The following ST6GALNAC6 variants were observed in gnomAD, a reference collection of about 807,000 sequenced individuals.
ST6GALNAC6 encodes alpha-N-acetylgalactosaminide alpha-2,6-sialyltransferase 6.
In ST6GALNAC6, 19 loss-of-function variants were observed where a neutral mutation model predicts 34.3. The ratio of observed to expected loss-of-function variants is 0.55; its 90% confidence interval spans 0.39 to 0.81. The LOEUF is 0.81. ST6GALNAC6 is among the 40% of genes least tolerant of loss of function. The pLI is 0.00. For synonymous variants in ST6GALNAC6, 185 were observed against 182.1 expected (o/e 1.02, Z -0.13); for missense variants, 377 against 467.7 (o/e 0.81, Z 1.79).
upstream of ST6GALNAC6, chr9:127,904,352 C>G (rs1190165804): frequency 1.3e-5 from 2 of 150,076 alleles, no homozygotes; most frequent in Non-Finnish European, 1.5e-5. Flanking sequence ...TCGTGGGCCT[C>G]CCCCCCCCAG....
At chr9:127,897,313 G>A (rs1191246754) in intron 2 of ST6GALNAC6, 2 of 985,832 alleles carry the variant, frequency 2.0e-6, no homozygotes, top group Admixed American at 6.1e-5. Context: ...GCCCTCCTCA[G>A]CTCCGTCCCC....
chr9:127,886,256 T>TG lies in ST6GALNAC6; in HGVS notation c.*342dup, dbSNP rs961525995. On this transcript the variant is annotated 3_prime_UTR_variant, in exon 7 of 7. Coordinates refer to ENST00000373146, the MANE Select transcript of ST6GALNAC6 (RefSeq NM_013443.5). Reference sequence around the variant, plus strand: ...TTATCCCAGGAGAGTGGGGAGTGATTGGGGGGTCCATTCCTGGGGCTCTGA... The same window carrying TG: ...TTATCCCAGGAGAGTGGGGAGTGATTGGGGGGGTCCATTCCTGGGGCTCTGA... 6.6e-6 allele frequency: 3 copies of TG among 454,582 alleles called. No homozygotes were observed. Among genetic ancestry groups the TG allele is most frequent in the Admixed American group, 4.0e-5 (1 of 24,892 alleles). 28.2% of individuals were successfully genotyped at this position (454,582 alleles called of 1,614,324 possible). A position where few individuals can be genotyped will look rare whatever the true frequency, so the allele number is the denominator to read the frequency against.
In ST6GALNAC6 at chr9:127,899,551, T is replaced by C; in HGVS notation, c.-78A>G. 2 of 980,490 alleles carry C rather than the reference T, an allele frequency of 2.0e-6. No homozygotes were observed. Among genetic ancestry groups the C allele is most frequent in the Non-Finnish European group, 2.4e-6 (2 of 827,986 alleles). 60.7% of individuals were successfully genotyped at this position (980,490 alleles called of 1,614,324 possible). The stretch of plus-strand genomic sequence containing the variant: ...CCCGCGGCCCCCGAGCCCCCTCACA[T>C]GGCGCCGGGAGCCGAGCGCCGGGGT... On this transcript the variant is annotated 5_prime_UTR_variant, in exon 1 of 7. The change abolishes an upstream ATG in the 5' untranslated region. Coordinates refer to ENST00000373146, the MANE Select transcript of ST6GALNAC6 (RefSeq NM_013443.5).
At chr9:127,887,368 C>T in intron 6 of ST6GALNAC6, 116 bp downstream of exon 6, 1 of 749,640 alleles carries the variant, frequency 1.3e-6, no homozygotes, top group Non-Finnish European at 2.3e-6. Context: ...AGTTTGAAAA[C>T]AATGAAGCAG....
chr9:127,889,444 C>CTTTT (rs200272209), intron 5 of ST6GALNAC6, among the ~76,000 whole-genome samples: 4 of 139,608 alleles, frequency 2.9e-5, no homozygotes, highest in Non-Finnish European at 1.5e-5. Context: ...TCTTTTTTTT[C>CTTTT]TTTTTTTTTT....
In ST6GALNAC6 at chr9:127,890,505, G is replaced by C. The variant is rs1332076629; in HGVS notation, c.704+132C>G. The C allele has an allele frequency of 2.3e-6, 3 of 1,300,646 alleles. No homozygotes were observed. The highest frequency in any genetic ancestry group is 2.7e-4 in the Middle Eastern group (1 of 3,724). The allele number at this position is 1,300,646 out of a possible 1,614,324, so 80.6% of individuals were successfully genotyped here. On this transcript the variant is annotated intron_variant, in intron 5 of 6. Coordinates refer to ENST00000373146, the MANE Select transcript of ST6GALNAC6 (RefSeq NM_013443.5). The surrounding 1 kb of genome is among the most constrained non-coding windows in gnomAD (Gnocchi z 4.3). Reference sequence around the variant, plus strand: ...GGACATGAAGAGAACTCTCCTAGGAGGCCCAACCAGAGGACGGCGGGACTT... The same window carrying C: ...GGACATGAAGAGAACTCTCCTAGGACGCCCAACCAGAGGACGGCGGGACTT...
chr9:127,897,289 CTG>C (rs1238774609), intron 2 of ST6GALNAC6: 4 of 985,738 alleles, frequency 4.1e-6, no homozygotes, highest in Non-Finnish European at 2.4e-6. Context: ...AGGGAAGAAA[CTG>C]GGGCTTAGGG....
rs1207159789 is a variant in ST6GALNAC6, at chr9:127,890,313, T to G, written c.704+324A>C. Among the ~76,000 whole-genome samples the G allele has an allele frequency of 2.0e-5, 3 of 152,012 alleles. No individual in the cohort carries two copies. Among genetic ancestry groups the G allele is most frequent in the African/African-American group, 7.2e-5 (3 of 41,388 alleles). ...AGTCAAGACTTTACATTGGGTACAC[T>G]ATGGGGAGCTTCTCTCAGAAAGATG... On this transcript the variant is annotated intron_variant, in intron 5 of 6. Transcript: ENST00000373146. The surrounding 1 kb of genome is among the most constrained non-coding windows in gnomAD (Gnocchi z 4.3).
chr9:127,897,785 CTT>C (rs1265055929), intron 2 of ST6GALNAC6, 169 bp downstream of exon 2: 1 of 1,478,080 alleles, frequency 6.8e-7, no homozygotes, highest in Non-Finnish European at 9.0e-7. Context: ...CGTGGCCACC[CTT>C]TCCTGCGGAT....
rs1036659743 is a variant in ST6GALNAC6, at chr9:127,891,661, AAAG to A, written c.298-621_298-619del. On this transcript the variant is annotated intron_variant, in intron 4 of 6. Transcript: ENST00000373146. ...AAGAAAGAAAAGAAACAAGGAAAGG[AAAG>A]AAGAAGGAAAAGAAAAAGGAAAGGA... Among the ~76,000 whole-genome samples the A allele has an allele frequency of 1.1e-4, 16 of 150,126 alleles. No homozygotes were observed. In the South Asian group the frequency reaches 2.8e-3, roughly 26 times the overall value.
intron 4 of ST6GALNAC6, among the ~76,000 whole-genome samples, chr9:127,891,728 G>A (rs1193713352): frequency 1.4e-5 from 2 of 141,438 alleles, no homozygotes; most frequent in Non-Finnish European, 3.1e-5. Context: ...AGAGGGAGAA[G>A]GGGAGGGGGA....
intron 3 of ST6GALNAC6, 53 bp downstream of exon 3, chr9:127,896,188 TC>T: frequency 6.3e-7 from 1 of 1,586,002 alleles, no homozygotes; most frequent in Non-Finnish European, 8.7e-7. Context: ...AGGAACCCGT[TC>T]CATGGAGGGA....
chr9:127,886,300 A>T lies in ST6GALNAC6; in HGVS notation c.*299T>A. The stretch of plus-strand genomic sequence containing the variant: ...GCTCTGAACCAAGGCCTCATGGGAA[A>T]GGACATGTCCTTAGCCTCAGATTGA... On this transcript the variant is annotated 3_prime_UTR_variant, in exon 7 of 7. Transcript: ENST00000373146. 1.5e-6 allele frequency: 1 copy of T among 659,926 alleles called. No homozygotes were observed. Among genetic ancestry groups the T allele is most frequent in the Non-Finnish European group, 2.3e-6 (1 of 438,536 alleles). The allele number at this position is 659,926 out of a possible 1,614,324, so 40.9% of individuals were successfully genotyped here.
chr9:127,886,403 A>G lies in ST6GALNAC6; in HGVS notation c.*196T>C. On this transcript the variant is annotated 3_prime_UTR_variant, in exon 7 of 7. Coordinates refer to ENST00000373146, the MANE Select transcript of ST6GALNAC6 (RefSeq NM_013443.5). ...AAGAAAGACACCCCTGATTAACCGC[A>G]TAGACTCCCAAATCCCTGATTCGCC... is the stretch of plus-strand genomic sequence containing the variant. The G allele has an allele frequency of 7.0e-7, 1 of 1,432,018 alleles. No individual in the cohort carries two copies. Among genetic ancestry groups the G allele is most frequent in the Non-Finnish European group, 9.1e-7 (1 of 1,094,240 alleles). The allele number at this position is 1,432,018 out of a possible 1,614,324, so 88.7% of individuals were successfully genotyped here.
chr9:127,896,104 G>T (rs1830435019), intron 3 of ST6GALNAC6, 138 bp downstream of exon 3: 4 of 985,372 alleles, frequency 4.1e-6, no homozygotes, highest in East Asian at 2.5e-5. Context: ...GCTTAAATCT[G>T]GGCCTCCCAG....
chr9:127,898,524 C>T (rs1830606380), intron 1 of ST6GALNAC6, among the ~76,000 whole-genome samples: 1 of 152,248 alleles, frequency 6.6e-6, no homozygotes. Flanking sequence ...TCCAGTGTGT[C>T]AGTGAAACAC....
upstream of ST6GALNAC6, among the ~76,000 whole-genome samples, chr9:127,900,854 GGCACATGTAATCCCA>G (rs1396713369): frequency 2.0e-5 from 3 of 148,550 alleles, no homozygotes; most frequent in African/African-American, 7.5e-5. Context: ...CGTTGTGGCG[GGCACATGTAATCCCA>G]GCTACTTGGG....
In ST6GALNAC6 at chr9:127,886,574, C is replaced by T. The variant is rs369343035; in HGVS notation, c.*25G>A. The T allele has an allele frequency of 1.5e-4, 238 of 1,613,042 alleles. No homozygotes were observed. The highest frequency in any genetic ancestry group is 2.0e-4 in the Non-Finnish European group (233 of 1,179,470). On this transcript the variant is annotated 3_prime_UTR_variant, in exon 7 of 7. Transcript: ENST00000373146. ...CGGAGGCTGCTTCTCCTCTGACCCT[C>T]CTGAGGTCCCACAGGCTGGGTGGCC...
intron 2 of ST6GALNAC6, 186 bp downstream of exon 2, chr9:127,897,770 C>T (rs367618786): frequency 1.2e-5 from 17 of 1,418,566 alleles, no homozygotes; most frequent in African/African-American, 1.0e-4. Flanking sequence ...CTATATCTTA[C>T]TACGCGTGGC....
Sources: gnomAD v4.1 joint callset for allele counts (sites outside exome capture counted in the v4.1 genomes callset) on GRCh38, gnomAD v4.1.1 for gene constraint, Gnocchi (gnomAD v3.1) non-coding constraint, MANE v1.5 for transcripts, NCBI Gene and HGNC (gene_info 2026-07-23, HGNC 2026-07-21) for gene names.